The following RPTOR variants were observed in gnomAD, a reference collection of about 807,000 sequenced individuals.
The protein encoded by RPTOR is regulatory associated protein of MTOR complex 1.
In RPTOR, 21 loss-of-function variants were observed where a neutral mutation model predicts 169.9. That is an observed-to-expected ratio of 0.12 (90% CI 0.09 to 0.18). The LOEUF is 0.18. RPTOR is among the 10% of genes least tolerant of loss of function. The probability of loss-of-function intolerance (pLI) is 1.00; values close to 1 mark genes in which losing one functional copy is unlikely to be tolerated. For synonymous variants in RPTOR, 732 were observed against 753.2 expected (o/e 0.97, Z 0.46); for missense variants, 1,133 against 1,855.9 (o/e 0.61, Z 7.16).
intron 9 of RPTOR, among the ~76,000 whole-genome samples, chr17:80,824,070 C>T (rs2067412877): frequency 6.6e-6 from 1 of 152,226 alleles, no homozygotes. Flanking sequence ...CACTTTCCCT[C>T]AACCCTGGAA....
At chr17:80,749,407 A>G (rs1392929790) in intron 5 of RPTOR, among the ~76,000 whole-genome samples, 6 of 48,096 alleles carry the variant, frequency 1.2e-4, no homozygotes, top group Admixed American at 2.3e-4. Context: ...TGGCGGGAGG[A>G]CCTGTTGGGT....
chr17:80,951,562 C>G (rs1485552218), intron 28 of RPTOR, among the ~76,000 whole-genome samples: 2 of 152,206 alleles, frequency 1.3e-5, no homozygotes, highest in Non-Finnish European at 2.9e-5. Context: ...CAGCTCTGGG[C>G]TCCCTCAGGT....
intron 7 of RPTOR, among the ~76,000 whole-genome samples, chr17:80,799,760 C>T (rs114101526): frequency 0.085 from 12,891 of 151,956 alleles, 581 homozygotes; most frequent in South Asian, 0.2. Context: ...CCCCAGCGGC[C>T]GCCCTGCACA....
intron 20 of RPTOR, among the ~76,000 whole-genome samples, chr17:80,900,791 A>T (rs2068467233): frequency 6.6e-6 from 1 of 152,190 alleles, no homozygotes; most frequent in African/African-American, 2.4e-5. Context: ...GAATCAAAAT[A>T]AAAAGTTGCA....
At chr17:80,886,237 G>A (rs1048961080) in intron 17 of RPTOR, among the ~76,000 whole-genome samples, 3 of 152,220 alleles carry the variant, frequency 2.0e-5, no homozygotes, top group African/African-American at 4.8e-5. Flanking sequence ...GACGTGACCC[G>A]GACAGGTTTC....
chr17:80,670,411 C>A (rs574046094), intron 3 of RPTOR, among the ~76,000 whole-genome samples: 1 of 152,270 alleles, frequency 6.6e-6, no homozygotes, highest in African/African-American at 2.4e-5. Context: ...AGATTTTCTG[C>A]TTCTGACCTT....
At chr17:80,777,709 C>T (rs1214788983) in intron 6 of RPTOR, among the ~76,000 whole-genome samples, 1 of 152,232 alleles carries the variant, frequency 6.6e-6, no homozygotes, top group Non-Finnish European at 1.5e-5. Context: ...CCTGCGCCGA[C>T]TCCAGCACTT....
intron 7 of RPTOR, among the ~76,000 whole-genome samples, chr17:80,799,832 G>T (rs2067138568): frequency 6.6e-6 from 1 of 152,198 alleles, no homozygotes; most frequent in African/African-American, 2.4e-5. Context: ...AGTGCAGGCT[G>T]CAGGTGCCAG....
intron 6 of RPTOR, among the ~76,000 whole-genome samples, chr17:80,777,585 G>C (rs1052606216): frequency 4.6e-5 from 7 of 151,264 alleles, no homozygotes; most frequent in African/African-American, 1.2e-4. Flanking sequence ...AGGTGGGAAA[G>C]TTTTATTTTA....
chr17:80,594,130 A>G (rs187595614), intron 1 of RPTOR, among the ~76,000 whole-genome samples: 18 of 150,824 alleles, frequency 1.2e-4, no homozygotes, highest in Middle Eastern at 3.4e-3. Flanking sequence ...GTCTCGCTCT[A>G]TCACCCAGGC....
intron 5 of RPTOR, among the ~76,000 whole-genome samples, chr17:80,735,684 G>A (rs994146250): frequency 6.6e-6 from 1 of 152,058 alleles, no homozygotes; most frequent in Non-Finnish European, 1.5e-5. Context: ...TTGGGCAGGC[G>A]GTAAAGATAA....
intron 3 of RPTOR, among the ~76,000 whole-genome samples, chr17:80,680,373 A>T (rs538759596): frequency 6.6e-6 from 1 of 152,176 alleles, no homozygotes. Context: ...CGGTGGCTCA[A>T]GCCTGTAATC....
intron 33 of RPTOR, 60 bp from the exon 34 acceptor site, chr17:80,964,202 C>CCCCCCCCCCCCTGTCT: frequency 3.3e-6 from 4 of 1,224,840 alleles, no homozygotes; most frequent in Non-Finnish European, 4.8e-6. Context: ...TGCGCCCCCC[C>CCCCCCCCCCCCTGTCT]GCCCCCCGCA....
chr17:80,775,689 A>G (rs1301132254), intron 6 of RPTOR, among the ~76,000 whole-genome samples: 3 of 152,210 alleles, frequency 2.0e-5, no homozygotes, highest in African/African-American at 4.8e-5. Context: ...AATAGCCATC[A>G]TTGTAAGAAC....
At chr17:80,580,162 C>T (rs575815210) in intron 1 of RPTOR, among the ~76,000 whole-genome samples, 7 of 152,254 alleles carry the variant, frequency 4.6e-5, no homozygotes, top group South Asian at 2.1e-4. Context: ...AATTTAACCA[C>T]TTTTGTGCTA....
At position 80,811,616 on chromosome 17, in the gene RPTOR, C is replaced by G. The variant is rs567049201; in HGVS notation, c.891-10585C>G. 4.6e-5 allele frequency among the ~76,000 whole-genome samples: 7 copies of G among 151,568 alleles called. No individual in the cohort carries two copies. The East Asian group carries it at 1.2e-3, about 25-fold the overall frequency. On this transcript the variant is annotated intron_variant, in intron 7 of 33. Coordinates refer to ENST00000306801, the MANE Select transcript of RPTOR (RefSeq NM_020761.3). Reference sequence around the variant, plus strand: ...CAACAAGGCCTAAACCTCACTGTACCCACGGGACACAGCCACGCCCTCTCC... The same window carrying G: ...CAACAAGGCCTAAACCTCACTGTACGCACGGGACACAGCCACGCCCTCTCC...
intron 1 of RPTOR, among the ~76,000 whole-genome samples, chr17:80,601,232 G>A (rs1301747431): frequency 4.5e-5 from 1 of 22,344 alleles, no homozygotes; most frequent in Non-Finnish European, 1.0e-4. Flanking sequence ...AGCCATCACC[G>A]GCCTTTGCAT....
At chr17:80,733,080 T>C (rs1466892269) in intron 5 of RPTOR, among the ~76,000 whole-genome samples, 1 of 152,178 alleles carries the variant, frequency 6.6e-6, no homozygotes, top group African/African-American at 2.4e-5. Flanking sequence ...GAGATGGTGA[T>C]CAGCTTTCAT....
intron 13 of RPTOR, among the ~76,000 whole-genome samples, chr17:80,876,662 G>GAT (rs1181497176): frequency 3.0e-5 from 4 of 133,948 alleles, no homozygotes; most frequent in Admixed American, 7.2e-5. Flanking sequence ...TGCCACGCAG[G>GAT]GTGTGTGTGT....
Sources: gnomAD v4.1 joint callset for allele counts (sites outside exome capture counted in the v4.1 genomes callset) on GRCh38, gnomAD v4.1.1 for gene constraint, MANE v1.5 for transcripts, NCBI Gene and HGNC (gene_info 2026-07-23, HGNC 2026-07-21) for gene names.